ABCC4: variants seen among roughly 807,000 people sequenced by gnomAD.
The protein encoded by ABCC4 is ATP binding cassette subfamily C member 4 (PEL blood group).
A neutral mutation model predicts 168.5 loss-of-function variants in ABCC4; 102 were observed. The ratio of observed to expected loss-of-function variants is 0.61; its 90% confidence interval spans 0.52 to 0.71. The LOEUF (loss-of-function observed/expected upper bound fraction) is 0.71, where lower values mean the gene tolerates loss of function less well. Among genes scored for constraint, ABCC4 ranks in the 30% least tolerant of loss-of-function variants. ABCC4 has a pLI of 0.00. For missense variants in ABCC4, 1,402 were observed against 1,605.8 expected (o/e 0.87, Z 2.17); for synonymous variants, 617 against 590.7 (o/e 1.04, Z -0.65).
intron 5 of ABCC4, 145 bp from the exon 6 acceptor site, chr13:95,209,742 A>T: frequency 4.1e-6 from 3 of 734,094 alleles, no homozygotes; most frequent in Non-Finnish European, 6.2e-6. Context: ...TAAAGCAGAA[A>T]GCCAAGCACC....
At chr13:95,073,151 C>T (rs2033789033) in intron 24 of ABCC4, 53 bp downstream of exon 24, 1 of 1,419,128 alleles carries the variant, frequency 7.0e-7, no homozygotes, top group East Asian at 2.3e-5. Context: ...GGCTTTTATA[C>T]CATTTAATGG....
rs1319077124 is a variant in ABCC4, at chr13:95,296,637, A to G, written c.74+4604T>C. On this transcript the variant is annotated intron_variant, in intron 1 of 30. Coordinates refer to ENST00000645237, the MANE Select transcript of ABCC4 (RefSeq NM_005845.5). ...CATCTGGAGATCCCTCTCAATGCCC[A>G]TATTTAGGGAAAAGTCCTTCGTTGT... Among the ~76,000 whole-genome samples the G allele has an allele frequency of 3.9e-5, 6 of 152,128 alleles. No homozygotes were observed. In the East Asian group the frequency reaches 5.8e-4, roughly 15 times the overall value.
chr13:95,258,742 A>T (rs2040454748), intron 1 of ABCC4, among the ~76,000 whole-genome samples: 1 of 152,142 alleles, frequency 6.6e-6, no homozygotes. Flanking sequence ...TCTGGGGCCC[A>T]GCAACCCTCT....
At chr13:95,176,582 T>G (rs2037712069) in intron 13 of ABCC4, among the ~76,000 whole-genome samples, 1 of 152,190 alleles carries the variant, frequency 6.6e-6, no homozygotes, top group South Asian at 2.1e-4. Flanking sequence ...CACTTAGTCT[T>G]GATCCATGCA....
intron 19 of ABCC4, among the ~76,000 whole-genome samples, chr13:95,116,285 G>A (rs2035378601): frequency 6.6e-6 from 1 of 152,138 alleles, no homozygotes; most frequent in South Asian, 2.1e-4. Flanking sequence ...GGGTTGGTGG[G>A]TTCTAGAATG....
intron 4 of ABCC4, among the ~76,000 whole-genome samples, chr13:95,225,384 T>A (rs1236467017): frequency 6.6e-6 from 1 of 152,158 alleles, no homozygotes; most frequent in Non-Finnish European, 1.5e-5. Flanking sequence ...AAAATACGAT[T>A]TATGGCCGGG....
chr13:95,255,033 A>G (rs999159519), intron 1 of ABCC4, among the ~76,000 whole-genome samples: 1 of 152,254 alleles, frequency 6.6e-6, no homozygotes, highest in African/African-American at 2.4e-5. Flanking sequence ...AGTTACAAAT[A>G]TAAATATTAA....
rs374882007 is a variant in ABCC4 at position 95,206,625 on chromosome 13, C to T, written c.1068G>A (p.Thr356=). 85 of 1,614,138 alleles carry T rather than the reference C, an allele frequency of 5.3e-5. 1 individual carries two copies. In the South Asian group the frequency reaches 6.6e-4, roughly 13 times the overall value. ...CCGTCAGCCGCACAGCCCCATACAG[C>T]GTCACTGCCACGAACACGCGGCTGG... is the stretch of plus-strand genomic sequence containing the variant. ...ITASRVFVAV[T]LYGAVRLTVT... The change falls in exon 8 of 31, where the codon ACG becomes ACA. Residue 356 remains threonine, a synonymous_variant. Transcript: ENST00000645237.
intron 6 of ABCC4, among the ~76,000 whole-genome samples, chr13:95,208,378 C>T (rs1305603843): frequency 1.4e-5 from 2 of 148,004 alleles, no homozygotes; most frequent in South Asian, 2.1e-4. Flanking sequence ...AGCATTTGAA[C>T]GGGGCCTCAA....
chr13:95,105,250 A>T (rs1033094736), intron 20 of ABCC4, among the ~76,000 whole-genome samples: 5 of 152,028 alleles, frequency 3.3e-5, no homozygotes, highest in African/African-American at 9.7e-5. Flanking sequence ...ATCTGACAGG[A>T]GGCAGAGGTC....
chr13:95,263,712 A>G (rs2040593948), intron 1 of ABCC4, among the ~76,000 whole-genome samples: 1 of 152,114 alleles, frequency 6.6e-6, no homozygotes, highest in Non-Finnish European at 1.5e-5. Flanking sequence ...AATCCTAGCT[A>G]CTTGTGAGAC....
At position 95,070,394 on chromosome 13, in the gene ABCC4, T is replaced by C. The variant is rs185379270; in HGVS notation, c.3210+1268A>G. Among the ~76,000 whole-genome samples, 449 of 152,200 alleles carry C rather than the reference T, an allele frequency of 3.0e-3. 1 individual carries two copies. Among genetic ancestry groups the C allele is most frequent in the Non-Finnish European group, 5.1e-3 (350 of 67,972 alleles). On this transcript the variant is annotated intron_variant, in intron 25 of 30. Coordinates refer to ENST00000645237, the MANE Select transcript of ABCC4 (RefSeq NM_005845.5). ...TGAGTGCAGGGGATGTGTGTCCATATTGGGAGTTGTGAGGAGAGGGGTGGG... is the reference window on the plus strand; with the variant it reads ...TGAGTGCAGGGGATGTGTGTCCATACTGGGAGTTGTGAGGAGAGGGGTGGG...
intron 26 of ABCC4, 110 bp downstream of exon 26, chr13:95,062,594 G>GAA (rs4148538): frequency 2.9e-6 from 3 of 1,029,670 alleles, no homozygotes; most frequent in Non-Finnish European, 4.2e-6. Context: ...TCTATTGGGT[G>GAA]AAAAAAAAAA....
intron 1 of ABCC4, among the ~76,000 whole-genome samples, chr13:95,267,125 AC>A (rs1566583972): frequency 6.6e-6 from 1 of 151,492 alleles, no homozygotes; most frequent in Non-Finnish European, 1.5e-5. Flanking sequence ...CAAGTGATCC[AC>A]CCACCTCGGC....
chr13:95,149,792 T>C (rs1473613441), intron 19 of ABCC4, among the ~76,000 whole-genome samples: 2 of 152,164 alleles, frequency 1.3e-5, no homozygotes, highest in South Asian at 2.1e-4. Flanking sequence ...TGCTATTTTT[T>C]CCTCCAACTC....
At chr13:95,079,406 G>GAA (rs2034014834) in intron 21 of ABCC4, among the ~76,000 whole-genome samples, 1 of 152,190 alleles carries the variant, frequency 6.6e-6, no homozygotes, top group Non-Finnish European at 1.5e-5. Context: ...ACCTCTCAGG[G>GAA]TTATTACGGT....
chr13:95,118,454 G>A (rs1169499317), intron 19 of ABCC4, among the ~76,000 whole-genome samples: 1 of 152,030 alleles, frequency 6.6e-6, no homozygotes, highest in Non-Finnish European at 1.5e-5. Flanking sequence ...ACGTTGGTCA[G>A]GCTGGTCTCA....
At chr13:95,248,587 AATT>A (rs1414912412) in intron 1 of ABCC4, among the ~76,000 whole-genome samples, 2 of 152,116 alleles carry the variant, frequency 1.3e-5, no homozygotes, top group Non-Finnish European at 1.5e-5. Flanking sequence ...AAATGATAAT[AATT>A]AACATCATTA....
intron 25 of ABCC4, among the ~76,000 whole-genome samples, chr13:95,066,092 T>C (rs2033531788): frequency 6.6e-6 from 1 of 152,230 alleles, no homozygotes; most frequent in South Asian, 2.1e-4. Context: ...AGTGTGCACA[T>C]GTGTGTTATT....
Sources: allele counts gnomAD v4.1 joint callset (sites outside exome capture counted in the v4.1 genomes callset), GRCh38; gene constraint gnomAD v4.1.1; transcripts MANE v1.5; gene names NCBI Gene and HGNC (gene_info 2026-07-23, HGNC 2026-07-21).